Variants in WWOX observed in about 807,000 individuals in gnomAD.
The protein encoded by WWOX is WW domain containing oxidoreductase.
WWOX carries 69 observed loss-of-function variants against 46.2 expected under a neutral mutation model. The ratio of observed to expected loss-of-function variants is 1.49; its 90% CI spans 1.23 to 1.82. The LOEUF (loss-of-function observed/expected upper bound fraction) is 1.82, where lower values mean the gene tolerates loss of function less well. Among genes scored for constraint, WWOX ranks in the 40% most tolerant of loss-of-function variants. The pLI, the probability that WWOX is intolerant of heterozygous loss-of-function variation, is 0.00. For synonymous variants in WWOX, 359 were observed against 202.6 expected, an observed-to-expected ratio of 1.77 and a Z score of -6.56; for missense variants, 919 against 542.6, an observed-to-expected ratio of 1.69 and a Z score of -6.89.
At chr16:78,598,606 T>A (rs1403383070) in intron 8 of WWOX, among the ~76,000 whole-genome samples, 2 of 152,176 alleles carry the variant, frequency 1.3e-5, no homozygotes, top group Non-Finnish European at 2.9e-5. Context: ...CCTGGCTTGG[T>A]GTGTTTTGTG....
At chr16:78,287,453 G>A (rs907831872) in intron 5 of WWOX, among the ~76,000 whole-genome samples, 6 of 152,154 alleles carry the variant, frequency 3.9e-5, no homozygotes, top group Admixed American at 2.6e-4. Flanking sequence ...TTTTGACCCA[G>A]TTGTAGTCTA....
In WWOX at chr16:78,501,193, C is replaced by CTCTTTTTT. The variant is rs1567609023; in HGVS notation, c.1056+68442_1056+68443insCTTTTTTT. On this transcript the variant is annotated intron_variant, in intron 8 of 8. Coordinates refer to ENST00000566780, the MANE Select transcript of WWOX (RefSeq NM_016373.4). ...TTTTTCTTTCTCTCTCTTTCTTTCTCTTTTTTTTTTTTTGAAAAACTTTTT... is the reference window on the plus strand; with the variant it reads ...TTTTTCTTTCTCTCTCTTTCTTTCTCTCTTTTTTTTTTTTTTTTTTTGAAAAACTTTTT... 7.4e-4 allele frequency among the ~76,000 whole-genome samples: 67 copies of CTCTTTTTT among 90,938 alleles called. 1 individual carries two copies. Among genetic ancestry groups the CTCTTTTTT allele is most frequent in the Non-Finnish European group, 1.1e-3 (49 of 43,954 alleles). 59.7% of individuals were successfully genotyped at this position (90,938 alleles called of 152,430 possible).
intron 5 of WWOX, among the ~76,000 whole-genome samples, chr16:78,376,501 A>T (rs967557520): frequency 6.6e-6 from 1 of 152,250 alleles, no homozygotes; most frequent in African/African-American, 2.4e-5. Context: ...AATACAATGA[A>T]CCAGTTTTAT....
At chr16:78,501,437 A>C (rs2085065563) in intron 8 of WWOX, among the ~76,000 whole-genome samples, 1 of 151,806 alleles carries the variant, frequency 6.6e-6, no homozygotes, top group Non-Finnish European at 1.5e-5. Flanking sequence ...AAAATAGCTC[A>C]CCCAGCTTTT....
intron 8 of WWOX, among the ~76,000 whole-genome samples, chr16:78,510,843 C>T (rs1299138670): frequency 1.3e-5 from 2 of 152,204 alleles, no homozygotes; most frequent in Non-Finnish European, 2.9e-5. Flanking sequence ...TGCTAACTTT[C>T]AAGGATGTTT....
At chr16:79,075,576 G>A (rs184136010) in intron 8 of WWOX, among the ~76,000 whole-genome samples, 24 of 150,986 alleles carry the variant, frequency 1.6e-4, no homozygotes, top group African/African-American at 2.2e-4. Flanking sequence ...TTGTTTAGAC[G>A]GAGTCTTGCT....
At chr16:78,282,166 C>T (rs752190629) in intron 5 of WWOX, among the ~76,000 whole-genome samples, 5 of 152,154 alleles carry the variant, frequency 3.3e-5, no homozygotes, top group Middle Eastern at 3.2e-3. Context: ...TGCTTCTCCA[C>T]GGAGTCTGAG....
rs1268579704 is a variant in WWOX, at chr16:78,350,294, A to G, written c.517-36566A>G. On this transcript the variant is annotated intron_variant, in intron 5 of 8. Transcript: ENST00000566780. ...TTCTCAAGCTACTTTATTGATATAT[A>G]ACACAGATACATAAACTTTGCCCAT... Among the ~76,000 whole-genome samples, 6 of 121,824 alleles carry G rather than the reference A, an allele frequency of 4.9e-5. 2 individuals carry two copies. Among genetic ancestry groups the G allele is most frequent in the Admixed American group, 1.6e-4 (2 of 12,502 alleles). 79.9% of individuals were successfully genotyped at this position (121,824 alleles called of 152,430 possible).
At position 78,947,097 on chromosome 16, in the gene WWOX, T is replaced by A. The variant is rs573358116; in HGVS notation, c.1057-264511T>A. ...AAAGCCTTACTGCTCAATAAATCCC[T>A]GTGGAAAAAAAAAAAAGAGGGGGAA... On this transcript the variant is annotated intron_variant, in intron 8 of 8. Transcript: ENST00000566780. 9.5e-5 allele frequency among the ~76,000 whole-genome samples: 14 copies of A among 148,032 alleles called. No homozygotes were observed. In the South Asian group the frequency reaches 3.0e-3, roughly 31 times the overall value.
chr16:78,544,995 G>C (rs2151533267), intron 8 of WWOX, among the ~76,000 whole-genome samples: 1 of 152,308 alleles, frequency 6.6e-6, no homozygotes, highest in South Asian at 2.1e-4. Flanking sequence ...TGGGCACATA[G>C]TGAGACACCA....
At chr16:79,048,854 G>A (rs758167556) in intron 8 of WWOX, among the ~76,000 whole-genome samples, 1 of 152,074 alleles carries the variant, frequency 6.6e-6, no homozygotes, top group Non-Finnish European at 1.5e-5. Context: ...TCCGGGCTCA[G>A]CTGCAATATA....
chr16:79,043,116 C>G (rs187144599), intron 8 of WWOX, among the ~76,000 whole-genome samples: 2 of 152,116 alleles, frequency 1.3e-5, no homozygotes, highest in African/African-American at 4.8e-5. Context: ...GACACGTGGG[C>G]AGGTGAGAGG....
chr16:78,767,482 CTGTGTGTGTG>C (rs3051061), intron 8 of WWOX, among the ~76,000 whole-genome samples: 20 of 143,124 alleles, frequency 1.4e-4, no homozygotes, highest in Non-Finnish European at 2.4e-4. Flanking sequence ...GTGTGTGTGT[CTGTGTGTGTG>C]TGTGTGTGTG....
intron 8 of WWOX, among the ~76,000 whole-genome samples, chr16:78,725,594 G>A (rs778187797): frequency 5.9e-5 from 9 of 151,872 alleles, no homozygotes; most frequent in East Asian, 3.9e-4. Flanking sequence ...CGATCTACCC[G>A]CCTCAGCCTC....
At chr16:78,174,870 C>T (rs1034237237) in intron 5 of WWOX, among the ~76,000 whole-genome samples, 2 of 152,054 alleles carry the variant, frequency 1.3e-5, no homozygotes, top group Non-Finnish European at 1.5e-5. Context: ...CGCCTTTAGT[C>T]CCAGCTACTG....
intron 5 of WWOX, among the ~76,000 whole-genome samples, chr16:78,354,323 T>TTTTTTTTTTTTG (rs2081242389): frequency 6.7e-6 from 1 of 148,498 alleles, no homozygotes. Flanking sequence ...TTTTTTTTTT[T>TTTTTTTTTTTTG]TTTGGTCAGG....
At chr16:79,134,272 C>G (rs1479600895) in intron 8 of WWOX, among the ~76,000 whole-genome samples, 2 of 152,014 alleles carry the variant, frequency 1.3e-5, no homozygotes, top group African/African-American at 4.8e-5. Flanking sequence ...TAGTCACTAT[C>G]TGGGACTGGT....
At chr16:78,723,629 T>TCTCTTCTCTTCTCTTTTC (rs2048752454) in intron 8 of WWOX, among the ~76,000 whole-genome samples, 1 of 90,274 alleles carries the variant, frequency 1.1e-5, no homozygotes, top group African/African-American at 4.7e-5. Flanking sequence ...TTTCTTTTCT[T>TCTCTTCTCTTCTCTTTTC]TTTTCTTTTC....
chr16:78,473,061 T>G (rs73576805), intron 8 of WWOX, among the ~76,000 whole-genome samples: 13,752 of 152,222 alleles, frequency 0.09, 1,429 homozygotes, highest in African/African-American at 0.26. Flanking sequence ...GTGTGAAAAC[T>G]ACATGAAGTT....
Sources: gnomAD v4.1 joint callset for allele counts (sites outside exome capture counted in the v4.1 genomes callset) on GRCh38, gnomAD v4.1.1 for gene constraint, MANE v1.5 for transcripts, NCBI Gene and HGNC (gene_info 2026-07-23, HGNC 2026-07-21) for gene names.